TTLL6: variants seen among roughly 807,000 people sequenced by gnomAD.
The protein encoded by TTLL6 is tubulin tyrosine ligase like 6.
A neutral mutation model predicts 96.4 loss-of-function variants in TTLL6; 75 were observed. The observed-to-expected ratio is 0.78, with a 90% CI of 0.65 to 0.94. TTLL6 has a LOEUF of 0.94. Ranked by LOEUF, TTLL6 falls within the 40% of genes least tolerant of loss-of-function variation. The pLI is 0.00. For synonymous variants in TTLL6, 411 were observed against 419.4 expected, an observed-to-expected ratio of 0.98 and a Z score of 0.24; for missense variants, 1,030 against 1,093.0, an observed-to-expected ratio of 0.94 and a Z score of 0.81.
intron 1 of TTLL6, 140 bp from the exon 2 acceptor site, chr17:48,805,131 G>A (rs2039488089): frequency 4.4e-6 from 3 of 678,904 alleles, no homozygotes; most frequent in Admixed American, 5.5e-5. Flanking sequence ...CGGCCTCCGC[G>A]GTTTGATGCA....
intron 1 of TTLL6, chr17:48,812,064 A>ACCCGCCCCCC (rs2039602475): frequency 3.9e-5 from 3 of 76,140 alleles, no homozygotes; most frequent in African/African-American, 1.1e-4. Flanking sequence ...TGATGCTGGG[A>ACCCGCCCCCC]CCCCCCCCCC....
intron 12 of TTLL6, 106 bp downstream of exon 12, chr17:48,786,058 T>A: frequency 6.6e-7 from 1 of 1,522,012 alleles, no homozygotes; most frequent in Non-Finnish European, 8.9e-7. Flanking sequence ...GCACAGCCTT[T>A]CGGTGTGTCT....
chr17:48,787,676 G>T, intron 11 of TTLL6, 135 bp downstream of exon 11: 2 of 819,010 alleles, frequency 2.4e-6, no homozygotes, highest in Non-Finnish European at 3.8e-6. Flanking sequence ...GACTACAGGC[G>T]TGAGCCACGG....
At chr17:48,795,970 C>T (rs1295964197) in intron 8 of TTLL6, 91 bp downstream of exon 8, 2 of 1,051,964 alleles carry the variant, frequency 1.9e-6, no homozygotes, top group Non-Finnish European at 2.8e-6. Context: ...GATGGAAACA[C>T]TGATGGGGAC....
chr17:48,798,860 C>T (rs1351852854), intron 6 of TTLL6, among the ~76,000 whole-genome samples: 2 of 140,012 alleles, frequency 1.4e-5, no homozygotes, highest in African/African-American at 5.4e-5. Flanking sequence ...TCCAGGGTCT[C>T]ACCCTGTTGC....
rs375921379 is a variant in TTLL6 at position 48,784,893 on chromosome 17, C to T, written c.2040+30G>A. The T allele has an allele frequency of 2.1e-5, 34 of 1,591,524 alleles. No individual in the cohort carries two copies. The African/African-American group carries it at 4.4e-4, about 21-fold the overall frequency. On this transcript the variant is annotated intron_variant, in intron 13 of 15. Transcript: ENST00000393382. ...GGACCAGTAAGCAAGACTCCCACCA[C>T]TCCCTCCCAGAGCTCGGCTCACTAC...
intron 8 of TTLL6, among the ~76,000 whole-genome samples, chr17:48,795,329 G>GAAAAAAAAA (rs796848295): frequency 1.4e-5 from 1 of 73,408 alleles, no homozygotes; most frequent in Non-Finnish European, 3.0e-5. Context: ...AGTCTCAAAA[G>GAAAAAAAAA]AAAAAAAAAA....
intron 1 of TTLL6, among the ~76,000 whole-genome samples, chr17:48,816,273 C>T (rs1006811236): frequency 6.6e-6 from 1 of 151,586 alleles, no homozygotes; most frequent in African/African-American, 2.4e-5. Context: ...TGAGCCCCCC[C>T]ACCCCCACCT....
intron 15 of TTLL6, 44 bp from the exon 16 acceptor site, chr17:48,763,017 C>T (rs563809374): frequency 2.3e-6 from 1 of 432,408 alleles, no homozygotes; most frequent in Admixed American, 2.7e-5. Context: ...TTTAAAATGG[C>T]CTCCAGAATA....
At position 48,793,656 on chromosome 17, in the gene TTLL6, G is replaced by C. The variant is rs182469672; in HGVS notation, c.999-2053C>G. Reference sequence around the variant, plus strand: ...TGAAGTGGATGGCACGGGCAGCATGGCTTAGTGGGTAAGGGCACCAACTCG... The same window carrying C: ...TGAAGTGGATGGCACGGGCAGCATGCCTTAGTGGGTAAGGGCACCAACTCG... On this transcript the variant is annotated intron_variant, in intron 8 of 15. Coordinates refer to ENST00000393382, the MANE Select transcript of TTLL6 (RefSeq NM_001130918.3). Among the ~76,000 whole-genome samples the C allele has an allele frequency of 2.0e-3, 298 of 152,086 alleles. 1 individual carries two copies. Among genetic ancestry groups the C allele is most frequent in the African/African-American group, 7.0e-3 (289 of 41,496 alleles).
chr17:48,774,383 C>T (rs1194150173), intron 13 of TTLL6, among the ~76,000 whole-genome samples: 3 of 151,552 alleles, frequency 2.0e-5, no homozygotes, highest in African/African-American at 4.8e-5. Context: ...AGGCTGTTCT[C>T]GAACTCCTGA....
Position 48,817,087 on chromosome 17 carries a change from C to T in TTLL6, c.-15G>A, listed in dbSNP as rs751912308. On this transcript the variant is annotated 5_prime_UTR_variant, in exon 1 of 16. Transcript: ENST00000393382. ...AACGCTCCCATTGGCTGCCAGACAG[C>T]CCCAACCCCAACCCGCGCTCGCCCT... 3 of 1,527,268 alleles carry T rather than the reference C, an allele frequency of 2.0e-6. No homozygotes were observed. The South Asian group carries it at 3.6e-5, about 18-fold the overall frequency. The allele number at this position is 1,527,268 out of a possible 1,614,324, so 94.6% of individuals were successfully genotyped here. A position where few individuals can be genotyped will look rare whatever the true frequency, so the allele number is the denominator to read the frequency against.
At chr17:48,783,817 T>A (rs539479957) in intron 13 of TTLL6, among the ~76,000 whole-genome samples, 1 of 152,354 alleles carries the variant, frequency 6.6e-6, no homozygotes, top group South Asian at 2.1e-4. Flanking sequence ...ATTTTATGTC[T>A]GCTTTTATGC....
intron 1 of TTLL6, among the ~76,000 whole-genome samples, chr17:48,814,423 G>A (rs1339514596): frequency 6.7e-6 from 1 of 149,960 alleles, no homozygotes; most frequent in Non-Finnish European, 1.5e-5. Flanking sequence ...ACACAAGAAA[G>A]AGCATTGTGT....
intron 1 of TTLL6, among the ~76,000 whole-genome samples, chr17:48,814,645 G>A (rs1272056180): frequency 6.6e-6 from 1 of 152,166 alleles, no homozygotes; most frequent in African/African-American, 2.4e-5. Flanking sequence ...CCACTGGGAC[G>A]GGTCCATTGC....
intron 3 of TTLL6, among the ~76,000 whole-genome samples, chr17:48,802,677 C>A (rs1366660197): frequency 1.3e-5 from 2 of 152,188 alleles, no homozygotes; most frequent in Admixed American, 1.3e-4. Context: ...TCGAGACCAG[C>A]CTGGCCAACA....
intron 6 of TTLL6, 35 bp downstream of exon 6, chr17:48,799,569 T>C (rs1567731822): frequency 6.5e-7 from 1 of 1,543,408 alleles, no homozygotes; most frequent in Non-Finnish European, 8.8e-7. Flanking sequence ...GCGGTTGCTG[T>C]GGGTGATAAA....
intron 12 of TTLL6, among the ~76,000 whole-genome samples, 155 bp from the exon 13 acceptor site, chr17:48,785,356 T>C (rs564401974): frequency 1.3e-5 from 2 of 152,276 alleles, no homozygotes; most frequent in African/African-American, 4.8e-5. Flanking sequence ...AACTTGGAAT[T>C]CTGGGACCCT....
At chr17:48,810,825 G>GTATATATATATATATA (rs1555569643) in intron 1 of TTLL6, among the ~76,000 whole-genome samples, 30 of 84,330 alleles carry the variant, frequency 3.6e-4, no homozygotes, top group South Asian at 1.6e-3. Context: ...GTATGTGTGT[G>GTATATATATATATATA]TATATATATA....
Sources: allele counts gnomAD v4.1 joint callset (sites outside exome capture counted in the v4.1 genomes callset), GRCh38; gene constraint gnomAD v4.1.1; transcripts MANE v1.5; gene names NCBI Gene and HGNC (gene_info 2026-07-23, HGNC 2026-07-21).